The following FGF12 variants were observed in gnomAD, a reference collection of about 807,000 sequenced individuals.
The protein encoded by FGF12 is fibroblast growth factor 12, also known as fibroblast growth factor 12B.
A neutral mutation model predicts 23.6 loss-of-function variants in FGF12; 14 were observed. The observed-to-expected ratio is 0.59, with a 90% CI of 0.39 to 0.93. The LOEUF (loss-of-function observed/expected upper bound fraction) is 0.93. FGF12 is among the 40% of genes least tolerant of loss of function. FGF12 has a pLI of 0.00. For synonymous variants in FGF12, 62 were observed against 77.3 expected (o/e 0.80, Z 1.04); for missense variants, 175 against 217.8 (o/e 0.80, Z 1.24).
chr3:192,446,896 C>G (rs1354693870), intron 2 of FGF12, among the ~76,000 whole-genome samples: 2 of 152,206 alleles, frequency 1.3e-5, no homozygotes, highest in African/African-American at 4.8e-5. Flanking sequence ...ATCCTTCGTT[C>G]TCACTCCCGT....
At chr3:192,696,688 A>T (rs1718134118) in intron 2 of FGF12, among the ~76,000 whole-genome samples, 3 of 152,034 alleles carry the variant, frequency 2.0e-5, no homozygotes, top group African/African-American at 7.2e-5. Flanking sequence ...TAATCAGAAG[A>T]AATTATTGTT....
At chr3:192,181,629 GTTTTT>G (rs72218051) in intron 4 of FGF12, among the ~76,000 whole-genome samples, 2 of 127,398 alleles carry the variant, frequency 1.6e-5, no homozygotes. Context: ...GAAGTAATTT[GTTTTT>G]TTTTTTTTTT....
At chr3:192,679,377 C>T (rs1717438966) in intron 2 of FGF12, among the ~76,000 whole-genome samples, 2 of 152,136 alleles carry the variant, frequency 1.3e-5, no homozygotes, top group African/African-American at 4.8e-5. Flanking sequence ...ACAGGTGGAT[C>T]ACTTGAGGTC....
intron 2 of FGF12, among the ~76,000 whole-genome samples, chr3:192,722,326 A>G (rs937145382): frequency 1.3e-5 from 2 of 152,210 alleles, no homozygotes; most frequent in Non-Finnish European, 2.9e-5. Context: ...TTTAACCACA[A>G]AATGGCTCTT....
At chr3:192,283,005 T>C (rs56321816) in intron 4 of FGF12, 55,993 of 151,976 alleles carry the variant, frequency 0.37, 11,393 homozygotes, top group East Asian at 0.9. Context: ...CAGGCAGTAT[T>C]ACAGTGTTTC....
chr3:192,459,406 C>A (rs1722784454), intron 2 of FGF12, among the ~76,000 whole-genome samples: 1 of 152,170 alleles, frequency 6.6e-6, no homozygotes, highest in Non-Finnish European at 1.5e-5. Flanking sequence ...ATTTAGGAGA[C>A]ATAAGTTGGT....
rs1553836829 is a variant in FGF12 at position 192,596,112 on chromosome 3, T to TATAATATAATATAATATAATATAAC, written c.13+131068_13+131069insGTTATATTATATTATATTATATTAT. Among the ~76,000 whole-genome samples the TATAATATAATATAATATAATATAAC allele has an allele frequency of 1.3e-3, 191 of 144,300 alleles. 2 individuals are homozygous for TATAATATAATATAATATAATATAAC. Among genetic ancestry groups the TATAATATAATATAATATAATATAAC allele is most frequent in the African/African-American group, 4.5e-3 (173 of 38,614 alleles). The allele number at this position is 144,300 out of a possible 152,430, so 94.7% of individuals were successfully genotyped here. ...GACTCAAAAATATAATATAATATAATATAATATAATATAATATAATATAAT... is the reference window on the plus strand; with the variant it reads ...GACTCAAAAATATAATATAATATAATATAATATAATATAATATAATATAACATAATATAATATAATATAATATAAT... On this transcript the variant is annotated intron_variant, in intron 2 of 5. Transcript: ENST00000445105.
intron 4 of FGF12, among the ~76,000 whole-genome samples, chr3:192,335,028 T>A (rs1017073488): frequency 5.3e-5 from 8 of 152,108 alleles, no homozygotes; most frequent in African/African-American, 1.9e-4. Context: ...CCATCCTCCA[T>A]GCTTAAAGGA....
At chr3:192,436,660 C>T (rs570342437) in intron 2 of FGF12, among the ~76,000 whole-genome samples, 1 of 152,278 alleles carries the variant, frequency 6.6e-6, no homozygotes, top group South Asian at 2.1e-4. Flanking sequence ...ATGTCAGTTT[C>T]CCAAAATAAC....
chr3:192,574,267 C>T (rs956468395), intron 2 of FGF12, among the ~76,000 whole-genome samples: 2 of 152,194 alleles, frequency 1.3e-5, no homozygotes, highest in African/African-American at 4.8e-5. Flanking sequence ...AATGTCCTAT[C>T]TGTACCATAC....
intron 2 of FGF12, among the ~76,000 whole-genome samples, chr3:192,648,223 A>G (rs1313721483): frequency 2.0e-5 from 3 of 152,160 alleles, no homozygotes; most frequent in African/African-American, 7.2e-5. Context: ...ATATACACAA[A>G]TGTCAGATAG....
At chr3:192,540,930 A>G (rs1041952078) in intron 2 of FGF12, among the ~76,000 whole-genome samples, 52 of 151,682 alleles carry the variant, frequency 3.4e-4, no homozygotes, top group Admixed American at 3.3e-3. Flanking sequence ...CTTGAAATCT[A>G]CTTTGTCTGA....
At chr3:192,391,960 T>A (rs1403816050) in intron 2 of FGF12, among the ~76,000 whole-genome samples, 1 of 152,170 alleles carries the variant, frequency 6.6e-6, no homozygotes, top group Non-Finnish European at 1.5e-5. Flanking sequence ...GATTTATGTT[T>A]ACTAAAGCCT....
At chr3:192,662,545 G>A (rs1175493611) in intron 2 of FGF12, among the ~76,000 whole-genome samples, 4 of 152,158 alleles carry the variant, frequency 2.6e-5, no homozygotes, top group African/African-American at 9.7e-5. Context: ...AGGCTAGGAG[G>A]TCTGACTTGG....
In FGF12 at chr3:192,141,338, T is replaced by C. The variant is rs914351861; in HGVS notation, c.*2671A>G. 2.0e-5 allele frequency: 3 copies of C among 152,068 alleles called. No individual in the cohort carries two copies. The highest frequency in any genetic ancestry group is 4.1e-4 in the South Asian group (2 of 4,828). 9.4% of individuals were successfully genotyped at this position (152,068 alleles called of 1,614,324 possible). ...CATGGTAATATTTTTAAAAACTCAG[T>C]GAATACTGGCATATTCTATTAAAGT... On this transcript the variant is annotated 3_prime_UTR_variant, in exon 6 of 6. Transcript: ENST00000445105.
At chr3:192,221,420 G>C (rs1718470576) in intron 4 of FGF12, among the ~76,000 whole-genome samples, 1 of 152,086 alleles carries the variant, frequency 6.6e-6, no homozygotes, top group Non-Finnish European at 1.5e-5. Flanking sequence ...ATTTAATAAG[G>C]CCTTACTCAA....
chr3:192,167,773 T>TATATATATATATATAA (rs1560175832), intron 5 of FGF12, among the ~76,000 whole-genome samples: 1 of 12,566 alleles, frequency 8.0e-5, no homozygotes, highest in African/African-American at 1.9e-4. Flanking sequence ...ATATATAAAA[T>TATATATATATATATAA]TTTTTTTTTT....
chr3:192,252,878 T>C (rs564092364), intron 4 of FGF12, among the ~76,000 whole-genome samples: 2 of 152,296 alleles, frequency 1.3e-5, no homozygotes, highest in Admixed American at 6.5e-5. Flanking sequence ...TTTCACATTA[T>C]TGCCTTTTGA....
intron 4 of FGF12, among the ~76,000 whole-genome samples, chr3:192,247,867 T>C (rs1711730375): frequency 6.6e-6 from 1 of 152,204 alleles, no homozygotes; most frequent in Non-Finnish European, 1.5e-5. Context: ...CTGAAAGTAG[T>C]GTTCCTGACA....
Sources: gnomAD v4.1 joint callset for allele counts (sites outside exome capture counted in the v4.1 genomes callset) on GRCh38, gnomAD v4.1.1 for gene constraint, MANE v1.5 for transcripts, NCBI Gene and HGNC (gene_info 2026-07-23, HGNC 2026-07-21) for gene names.